Variants in COL22A1 observed in about 807,000 individuals in gnomAD.
COL22A1 encodes collagen type XXII alpha 1 chain, also known as collagen alpha-1(XXII) chain.
In COL22A1, 221 loss-of-function variants were observed where a neutral mutation model predicts 248.9. The observed-to-expected ratio is 0.89, with a 90% CI of 0.80 to 0.99. The LOEUF (loss-of-function observed/expected upper bound fraction) is 0.99, where lower values mean the gene tolerates loss of function less well. COL22A1 is among the 50% of genes least tolerant of loss of function. The pLI, the probability that COL22A1 is intolerant of heterozygous loss-of-function variation, is 0.00. For synonymous variants in COL22A1, 891 were observed against 793.4 expected, an observed-to-expected ratio of 1.12 and a Z score of -2.07; for missense variants, 2,240 against 2,179.0, an observed-to-expected ratio of 1.03 and a Z score of -0.56.
intron 3 of COL22A1, among the ~76,000 whole-genome samples, chr8:138,847,121 G>A (rs2131883627): frequency 6.6e-6 from 1 of 152,296 alleles, no homozygotes; most frequent in Non-Finnish European, 1.5e-5. Context: ...GTCACTAATG[G>A]GCATGTCTGT....
intron 1 of COL22A1, among the ~76,000 whole-genome samples, chr8:138,898,631 C>T (rs576992145): frequency 1.3e-5 from 2 of 152,210 alleles, no homozygotes; most frequent in South Asian, 2.1e-4. Context: ...ACTAACTTAG[C>T]GAAATAGGTC....
intron 52 of COL22A1, among the ~76,000 whole-genome samples, chr8:138,622,499 T>G (rs1819886902): frequency 6.6e-6 from 1 of 152,348 alleles, no homozygotes; most frequent in East Asian, 1.9e-4. Flanking sequence ...CAGTAAGTAA[T>G]GCATACTCAT....
intron 3 of COL22A1, among the ~76,000 whole-genome samples, chr8:138,844,822 C>T (rs948531596): frequency 2.0e-5 from 3 of 151,882 alleles, no homozygotes; most frequent in African/African-American, 7.3e-5. Context: ...TGGTGGCAGG[C>T]GCCTGTAGTC....
chr8:138,747,927 C>T (rs1832260343), intron 22 of COL22A1, among the ~76,000 whole-genome samples: 1 of 152,162 alleles, frequency 6.6e-6, no homozygotes, highest in Non-Finnish European at 1.5e-5. Context: ...CAATAAGATG[C>T]CAGCAGAGCC....
intron 1 of COL22A1, among the ~76,000 whole-genome samples, chr8:138,912,841 A>G (rs9657435): frequency 0.3 from 45,324 of 151,906 alleles, 7,201 homozygotes; most frequent in African/African-American, 0.42. Flanking sequence ...ACAGCTCTGG[A>G]ACAGGCCGGC....
At position 138,760,283 on chromosome 8, in the gene COL22A1, C is replaced by A; in HGVS notation, c.1862G>T (p.Arg621Met). ...GKPGDTGQQG[R>M]PGPSGVAGPQ... The stretch of plus-strand genomic sequence containing the variant: ...TCCTGCCACACCAGAAGGGCCGGGC[C>A]TGCCCTGGAGGAAAGAAAGAAAAGG... Residue 621 changes from arginine to methionine, a missense_variant, in exon 18 of 65, where the codon AGG (arginine) becomes ATG (methionine). Arg to Met is a moderately conservative substitution (Grantham distance 91, BLOSUM62 -1). Coordinates refer to ENST00000303045, the MANE Select transcript of COL22A1 (RefSeq NM_152888.3). 6.3e-7 allele frequency: 1 copy of A among 1,599,062 alleles called. No individual in the cohort carries two copies. Among genetic ancestry groups the A allele is most frequent in the Non-Finnish European group, 8.5e-7 (1 of 1,173,040 alleles).
intron 4 of COL22A1, among the ~76,000 whole-genome samples, chr8:138,837,523 T>G (rs1049034655): frequency 6.6e-6 from 1 of 152,216 alleles, no homozygotes; most frequent in Non-Finnish European, 1.5e-5. Context: ...GACAGAAGCA[T>G]GGAGAGTCCC....
intron 1 of COL22A1, among the ~76,000 whole-genome samples, chr8:138,893,298 C>A (rs533096063): frequency 6.6e-6 from 1 of 152,206 alleles, no homozygotes; most frequent in Non-Finnish European, 1.5e-5. Context: ...AATCAGCATC[C>A]CTGTGTTCAA....
chr8:138,638,771 T>G (rs1372338139), intron 47 of COL22A1, among the ~76,000 whole-genome samples: 1 of 152,240 alleles, frequency 6.6e-6, no homozygotes, highest in African/African-American at 2.4e-5. Flanking sequence ...GTGACACAGA[T>G]TAGCCCACTG....
At chr8:138,867,101 C>T (rs537030773) in intron 3 of COL22A1, among the ~76,000 whole-genome samples, 30 of 152,300 alleles carry the variant, frequency 2.0e-4, no homozygotes, top group African/African-American at 6.5e-4. Flanking sequence ...TTGGATCATG[C>T]GTCTCTGTCT....
At chr8:138,905,273 G>A (rs1814924743) in intron 1 of COL22A1, among the ~76,000 whole-genome samples, 2 of 152,146 alleles carry the variant, frequency 1.3e-5, no homozygotes, top group African/African-American at 2.4e-5. Flanking sequence ...GCCCATGCTC[G>A]AATTCCCTCT....
At chr8:138,785,418 T>A (rs1586740052) in intron 12 of COL22A1, among the ~76,000 whole-genome samples, 1 of 152,150 alleles carries the variant, frequency 6.6e-6, no homozygotes, top group East Asian at 1.9e-4. Context: ...GAATCAATGA[T>A]AGATTTTCCT....
intron 3 of COL22A1, among the ~76,000 whole-genome samples, chr8:138,870,380 G>T (rs1308094235): frequency 2.0e-5 from 3 of 151,586 alleles, no homozygotes; most frequent in African/African-American, 7.3e-5. Context: ...TAGCCTATGT[G>T]CAGTGTGTGG....
intron 30 of COL22A1, among the ~76,000 whole-genome samples, chr8:138,713,459 T>A (rs1230690533): frequency 1.3e-5 from 2 of 152,208 alleles, no homozygotes; most frequent in African/African-American, 2.4e-5. Context: ...ACATACTGAG[T>A]ATACGGAACC....
At position 138,771,838 on chromosome 8, in the gene COL22A1, C is replaced by T. The variant is rs528874237; in HGVS notation, c.1803+4128G>A. Among the ~76,000 whole-genome samples, 7 of 152,262 alleles carry T rather than the reference C, an allele frequency of 4.6e-5. No homozygotes were observed. In the East Asian group the frequency reaches 7.7e-4, roughly 17 times the overall value. On this transcript the variant is annotated intron_variant, in intron 16 of 64. Coordinates refer to ENST00000303045, the MANE Select transcript of COL22A1 (RefSeq NM_152888.3). The stretch of plus-strand genomic sequence containing the variant: ...GCAGCTGTCCCAGTGGCAGACCTGG[C>T]CCCCCGGGGCCTGCGGAGAGCTCTT...
chr8:138,870,155 C>T (rs1207256488), intron 3 of COL22A1, among the ~76,000 whole-genome samples: 11 of 150,466 alleles, frequency 7.3e-5, no homozygotes, highest in Non-Finnish European at 1.5e-4. Flanking sequence ...CATGGTGTGC[C>T]TGTGTGTGGG....
chr8:138,812,621 C>T (rs1477455768), intron 8 of COL22A1, among the ~76,000 whole-genome samples: 4 of 152,122 alleles, frequency 2.6e-5, no homozygotes, highest in Admixed American at 6.5e-5. Flanking sequence ...CTCCTCTGGG[C>T]GCTGGTGGCA....
chr8:138,845,365 C>T (rs368287100), intron 3 of COL22A1, among the ~76,000 whole-genome samples: 8 of 151,628 alleles, frequency 5.3e-5, no homozygotes, highest in African/African-American at 1.7e-4. Context: ...AAAAATGAGT[C>T]GGGCATGGTG....
chr8:138,668,222 C>T (rs1012366692), intron 41 of COL22A1, among the ~76,000 whole-genome samples: 1 of 152,124 alleles, frequency 6.6e-6, no homozygotes, highest in Non-Finnish European at 1.5e-5. Flanking sequence ...GAAATATCTA[C>T]AGACAAAATG....
Sources: allele counts gnomAD v4.1 joint callset (sites outside exome capture counted in the v4.1 genomes callset), GRCh38; gene constraint gnomAD v4.1.1; transcripts MANE v1.5; gene names NCBI Gene and HGNC (gene_info 2026-07-23, HGNC 2026-07-21).